Variants in PIAS1 observed in about 807,000 individuals in gnomAD.
The protein encoded by PIAS1 is E3 SUMO-protein ligase PIAS1.
PIAS1 carries 6 observed loss-of-function variants against 71.3 expected under a neutral mutation model. The ratio of observed to expected loss-of-function variants is 0.08; its 90% CI spans 0.05 to 0.17. PIAS1 has a LOEUF of 0.17. Ranked by LOEUF, PIAS1 falls within the 10% of genes least tolerant of loss-of-function variation. The pLI, the probability that PIAS1 is intolerant of heterozygous loss-of-function variation, is 1.00. For missense variants in PIAS1, 555 were observed against 793.6 expected (o/e 0.70, Z 3.61); for synonymous variants, 303 against 292.9 (o/e 1.03, Z -0.35).
chr15:68,085,614 C>G (rs746484998), intron 1 of PIAS1, among the ~76,000 whole-genome samples: 6 of 152,176 alleles, frequency 3.9e-5, no homozygotes, highest in Non-Finnish European at 7.4e-5. Context: ...CCTGACTACT[C>G]CTTAGTAGCT....
Position 68,055,849 on chromosome 15 carries a change from C to G in PIAS1, c.24+1499C>G, listed in dbSNP as rs1391156417. ...TGTAGAGTTTTTCCTGTGGAATATC[C>G]TCACCGAAAGAGCTTTTCTCCTAAT... On this transcript the variant is annotated intron_variant, in intron 1 of 13. Coordinates refer to ENST00000249636, the MANE Select transcript of PIAS1 (RefSeq NM_016166.3). 4.3e-6 allele frequency: 3 copies of G among 693,702 alleles called. No individual in the cohort carries two copies. The South Asian group carries it at 4.5e-5, about 10-fold the overall frequency. 43.0% of individuals were successfully genotyped at this position (693,702 alleles called of 1,614,324 possible).
At chr15:68,079,488 A>T (rs764930132) in intron 1 of PIAS1, among the ~76,000 whole-genome samples, 1 of 152,038 alleles carries the variant, frequency 6.6e-6, no homozygotes, top group African/African-American at 2.4e-5. Flanking sequence ...TCTTTTTGAG[A>T]CAGTGTCTCA....
chr15:68,118,495 C>G (rs938362553), intron 2 of PIAS1, among the ~76,000 whole-genome samples: 2 of 152,040 alleles, frequency 1.3e-5, no homozygotes, highest in African/African-American at 4.8e-5. Context: ...CACCACCATG[C>G]CCTGCTAAGT....
chr15:68,108,657 A>G (rs914613604), intron 2 of PIAS1, among the ~76,000 whole-genome samples: 10 of 152,116 alleles, frequency 6.6e-5, no homozygotes, highest in African/African-American at 2.4e-4. Context: ...GTCTAAAACA[A>G]CTTTTTTTCT....
intron 4 of PIAS1, among the ~76,000 whole-genome samples, chr15:68,143,117 T>C (rs1289908762): frequency 6.6e-6 from 1 of 152,028 alleles, no homozygotes; most frequent in African/African-American, 2.4e-5. Context: ...CATATTATGC[T>C]TTATTATTCG....
intron 1 of PIAS1, among the ~76,000 whole-genome samples, chr15:68,084,902 A>G (rs147428155): frequency 4.8e-4 from 73 of 152,336 alleles, no homozygotes; most frequent in Non-Finnish European, 8.1e-4. Context: ...TACCAAGGCT[A>G]ATGGCCAAAG....
chr15:68,126,274 G>T (rs939756052), intron 2 of PIAS1, among the ~76,000 whole-genome samples: 2 of 151,848 alleles, frequency 1.3e-5, no homozygotes. Flanking sequence ...TTTCAAACCT[G>T]TTTTCTTCCT....
chr15:68,182,916 T>C (rs530372585), intron 12 of PIAS1, among the ~76,000 whole-genome samples: 3 of 152,340 alleles, frequency 2.0e-5, no homozygotes, highest in African/African-American at 7.2e-5. Context: ...GCTGCGTGTT[T>C]TACCTTTCCC....
At chr15:68,116,986 A>G (rs1339586448) in intron 2 of PIAS1, among the ~76,000 whole-genome samples, 2 of 152,174 alleles carry the variant, frequency 1.3e-5, no homozygotes, top group Non-Finnish European at 2.9e-5. Context: ...TTCAGGTCAG[A>G]ATAATTTGCA....
At chr15:68,169,104 C>T (rs1217660362) in intron 8 of PIAS1, among the ~76,000 whole-genome samples, 2 of 152,168 alleles carry the variant, frequency 1.3e-5, no homozygotes, top group African/African-American at 4.8e-5. Flanking sequence ...ACCTTGTGTA[C>T]TATTACTGTA....
intron 2 of PIAS1, among the ~76,000 whole-genome samples, chr15:68,098,747 A>G (rs1030180394): frequency 4.6e-5 from 7 of 152,098 alleles, no homozygotes; most frequent in African/African-American, 9.7e-5. Flanking sequence ...TTAGTAGGCA[A>G]TAGATTCGTT....
At chr15:68,151,707 C>CACACACACAA (rs140053964) in intron 6 of PIAS1, among the ~76,000 whole-genome samples, 16,010 of 134,156 alleles carry the variant, frequency 0.12, 1,013 homozygotes, top group South Asian at 0.15. Context: ...CACACACACA[C>CACACACACAA]AAATTAGCTA....
chr15:68,098,847 T>C lies in PIAS1; in HGVS notation c.469+12097T>C, dbSNP rs188006798. 7.6e-4 allele frequency among the ~76,000 whole-genome samples: 115 copies of C among 152,314 alleles called. 1 individual carries two copies. Among genetic ancestry groups the C allele is most frequent in the Middle Eastern group, 3.4e-3 (1 of 294 alleles). Reference sequence around the variant, plus strand: ...CATTGCTGTAGAGAATATTCTGTGATATATATCACTATGCACTTGTCTAAA... The same window carrying C: ...CATTGCTGTAGAGAATATTCTGTGACATATATCACTATGCACTTGTCTAAA... On this transcript the variant is annotated intron_variant, in intron 2 of 13. Coordinates refer to ENST00000249636, the MANE Select transcript of PIAS1 (RefSeq NM_016166.3).
At chr15:68,159,378 A>G (rs1220670285) in intron 7 of PIAS1, among the ~76,000 whole-genome samples, 1 of 152,076 alleles carries the variant, frequency 6.6e-6, no homozygotes, top group African/African-American at 2.4e-5. Flanking sequence ...TATAACTTAT[A>G]GGCAATAAAA....
At chr15:68,091,312 A>G (rs1316360114) in intron 2 of PIAS1, among the ~76,000 whole-genome samples, 3 of 152,136 alleles carry the variant, frequency 2.0e-5, no homozygotes, top group Non-Finnish European at 2.9e-5. Flanking sequence ...AGTTTATAAT[A>G]TTGTTTATAG....
intron 3 of PIAS1, 29 bp downstream of exon 3, chr15:68,142,059 T>G: frequency 7.0e-7 from 1 of 1,430,344 alleles, no homozygotes. Context: ...TAACTTGAAG[T>G]TTGACCTTTG....
chr15:68,191,864 C>G lies in PIAS1; in HGVS notation c.*4029C>G, dbSNP rs1293288058. 6.6e-6 allele frequency: 1 copy of G among 152,188 alleles called. No homozygotes were observed. Among genetic ancestry groups the G allele is most frequent in the Admixed American group, 6.5e-5 (1 of 15,276 alleles). 9.4% of individuals were successfully genotyped at this position (152,188 alleles called of 1,614,324 possible). On this transcript the variant is annotated 3_prime_UTR_variant, in exon 14 of 14. Coordinates refer to ENST00000249636, the MANE Select transcript of PIAS1 (RefSeq NM_016166.3). ...CAAACACTTAATAGGATCTTAGACT[C>G]TGGACCACTGAATCCCTTAATGAGC...
chr15:68,088,176 G>GTGTATATATA lies in PIAS1; in HGVS notation c.469+1427_469+1428insGTATATATAT, dbSNP rs150997979. On this transcript the variant is annotated intron_variant, in intron 2 of 13. Transcript: ENST00000249636. ...TTCTTGTCTGTCTGATTATGTGTGT[G>GTGTATATATA]TATATATATATATATATATATATAT... Among the ~76,000 whole-genome samples the GTGTATATATA allele has an allele frequency of 8.8e-4, 64 of 72,990 alleles. 2 individuals carry two copies. The highest frequency in any genetic ancestry group is 2.4e-3 in the African/African-American group (38 of 16,144). The allele number at this position is 72,990 out of a possible 152,430, so 47.9% of individuals were successfully genotyped here.
At chr15:68,075,641 G>A (rs898798338) in intron 1 of PIAS1, among the ~76,000 whole-genome samples, 4 of 152,164 alleles carry the variant, frequency 2.6e-5, no homozygotes, top group Admixed American at 6.5e-5. Context: ...AGAAAGGGTC[G>A]TTATTATTAA....
Sources: gnomAD v4.1 joint callset for allele counts (sites outside exome capture counted in the v4.1 genomes callset) on GRCh38, gnomAD v4.1.1 for gene constraint, MANE v1.5 for transcripts, NCBI Gene and HGNC (gene_info 2026-07-23, HGNC 2026-07-21) for gene names.